Variants in EXOC6 observed in about 807,000 individuals in gnomAD.
The protein encoded by EXOC6 is exocyst complex component 6.
EXOC6 carries 60 observed loss-of-function variants against 112.5 expected under a neutral mutation model. The observed-to-expected ratio is 0.53, with a 90% CI of 0.43 to 0.66. The LOEUF (loss-of-function observed/expected upper bound fraction) is 0.66. Among genes scored for constraint, EXOC6 ranks in the 30% least tolerant of loss-of-function variants. The pLI, the probability that EXOC6 is intolerant of heterozygous loss-of-function variation, is 0.00. For missense variants in EXOC6, 855 were observed against 957.1 expected (o/e 0.89, Z 1.41); for synonymous variants, 295 against 308.0 (o/e 0.96, Z 0.44).
chr10:92,918,878 G>A (rs182650391), intron 7 of EXOC6, among the ~76,000 whole-genome samples: 23 of 152,306 alleles, frequency 1.5e-4, no homozygotes, highest in Admixed American at 4.6e-4. Flanking sequence ...ATATATATGC[G>A]TATGTAGTGA....
rs201162687 is a variant in EXOC6 at position 92,861,348 on chromosome 10, G to A, written c.101+12714G>A. Among the ~76,000 whole-genome samples, 4 of 152,240 alleles carry A rather than the reference G, an allele frequency of 2.6e-5. No individual in the cohort carries two copies. In the East Asian group the frequency reaches 7.7e-4, roughly 29 times the overall value. On this transcript the variant is annotated intron_variant, in intron 1 of 21. Coordinates refer to ENST00000260762, the MANE Select transcript of EXOC6 (RefSeq NM_019053.6). ...GGTGAGATGGCAGTCTCTGGTCTTG[G>A]CTTGCCTCTCTCAGTGTGGAGCCTC...
At chr10:92,883,054 A>G (rs1048742647) in intron 1 of EXOC6, among the ~76,000 whole-genome samples, 5 of 152,212 alleles carry the variant, frequency 3.3e-5, no homozygotes, top group African/African-American at 1.2e-4. Context: ...ACTATTTGCT[A>G]TATAACTGCC....
chr10:92,851,130 C>T (rs1397245092), intron 1 of EXOC6, among the ~76,000 whole-genome samples: 1 of 152,084 alleles, frequency 6.6e-6, no homozygotes, highest in Non-Finnish European at 1.5e-5. Flanking sequence ...TTTATGGCAC[C>T]AAACACCTCT....
intron 18 of EXOC6, among the ~76,000 whole-genome samples, chr10:92,978,971 G>A (rs984488974): frequency 2.0e-5 from 3 of 152,146 alleles, no homozygotes; most frequent in Non-Finnish European, 4.4e-5. Flanking sequence ...AAACCAAGGG[G>A]CACTCTTTCA....
chr10:93,043,369 T>C (rs1192966152), intron 20 of EXOC6, among the ~76,000 whole-genome samples: 1 of 152,256 alleles, frequency 6.6e-6, no homozygotes, highest in Admixed American at 6.5e-5. Flanking sequence ...ATTTTATGAA[T>C]TTACTTTCAA....
At chr10:93,015,669 T>C (rs1239065398) in intron 20 of EXOC6, among the ~76,000 whole-genome samples, 1 of 151,870 alleles carries the variant, frequency 6.6e-6, no homozygotes, top group East Asian at 1.9e-4. Flanking sequence ...GCAGGTGGAG[T>C]TTGCAGTGAG....
chr10:92,861,303 G>T (rs1205924278), intron 1 of EXOC6, among the ~76,000 whole-genome samples: 1 of 152,106 alleles, frequency 6.6e-6, no homozygotes, highest in African/African-American at 2.4e-5. Flanking sequence ...TGATATCCTT[G>T]CTTTAAGAGC....
rs182110867 is a variant in EXOC6, at chr10:92,895,331, A to C, written c.412+311A>C. 2.2e-3 allele frequency among the ~76,000 whole-genome samples: 333 copies of C among 152,148 alleles called. 1 individual carries two copies. Among genetic ancestry groups the C allele is most frequent in the African/African-American group, 7.3e-3 (303 of 41,512 alleles). The stretch of plus-strand genomic sequence containing the variant: ...TTGTTTTTCCTCGGAATACTTTCCC[A>C]TGGGGAGAGTCTTTTGGTTACATTT... On this transcript the variant is annotated intron_variant, in intron 4 of 21. Coordinates refer to ENST00000260762, the MANE Select transcript of EXOC6 (RefSeq NM_019053.6).
chr10:92,968,201 T>C (rs1429929612), intron 17 of EXOC6, among the ~76,000 whole-genome samples: 2 of 92,112 alleles, frequency 2.2e-5, no homozygotes, highest in African/African-American at 8.2e-5. Context: ...TTTTTTTTTT[T>C]AAAGGCAAGG....
At chr10:92,982,821 T>C (rs1370697748) in intron 18 of EXOC6, among the ~76,000 whole-genome samples, 1 of 152,234 alleles carries the variant, frequency 6.6e-6, no homozygotes, top group Non-Finnish European at 1.5e-5. Flanking sequence ...TGTAGTGTTT[T>C]ACTGATGTGC....
At chr10:92,929,437 C>A (rs1166588081) in intron 9 of EXOC6, among the ~76,000 whole-genome samples, 3 of 152,170 alleles carry the variant, frequency 2.0e-5, no homozygotes, top group African/African-American at 7.2e-5. Context: ...GATCTCTGCA[C>A]CTTCATTCCA....
chr10:93,046,773 T>C (rs528377702), intron 20 of EXOC6, among the ~76,000 whole-genome samples: 1 of 152,132 alleles, frequency 6.6e-6, no homozygotes, highest in Admixed American at 6.5e-5. Context: ...AATTTTGTAT[T>C]TTTAAGTAGA....
chr10:93,022,077 C>T (rs1844818480), intron 20 of EXOC6, among the ~76,000 whole-genome samples: 1 of 152,150 alleles, frequency 6.6e-6, no homozygotes, highest in South Asian at 2.1e-4. Flanking sequence ...CATTTGACAG[C>T]ATAGAAGGCC....
intron 18 of EXOC6, among the ~76,000 whole-genome samples, chr10:92,979,454 G>A (rs1842750853): frequency 6.6e-6 from 1 of 152,182 alleles, no homozygotes; most frequent in Admixed American, 6.5e-5. Context: ...CTGCTCACAG[G>A]ACATGAGAAC....
At chr10:92,873,097 A>G (rs750885604) in intron 1 of EXOC6, among the ~76,000 whole-genome samples, 4 of 152,216 alleles carry the variant, frequency 2.6e-5, no homozygotes, top group African/African-American at 9.6e-5. Flanking sequence ...GAGGACAAAT[A>G]CAATTAAATA....
chr10:92,959,403 A>G (rs1339258665), intron 17 of EXOC6, among the ~76,000 whole-genome samples: 9 of 152,204 alleles, frequency 5.9e-5, no homozygotes, highest in Admixed American at 5.2e-4. Context: ...AACCCCTAGA[A>G]GATAACATAG....
At chr10:92,950,292 CTTGAG>C (rs1564855760) in intron 14 of EXOC6, among the ~76,000 whole-genome samples, 1 of 151,866 alleles carries the variant, frequency 6.6e-6, no homozygotes, top group African/African-American at 2.4e-5. Context: ...TATCAAATAA[CTTGAG>C]TTATTTTCAA....
At chr10:92,962,145 C>G (rs1317856521) in intron 17 of EXOC6, among the ~76,000 whole-genome samples, 1 of 151,946 alleles carries the variant, frequency 6.6e-6, no homozygotes, top group East Asian at 1.9e-4. Flanking sequence ...GCAGGTGGCT[C>G]TATGAGAGAT....
intron 19 of EXOC6, among the ~76,000 whole-genome samples, chr10:93,002,450 A>G (rs921901612): frequency 6.6e-6 from 1 of 152,196 alleles, no homozygotes; most frequent in Non-Finnish European, 1.5e-5. Flanking sequence ...CAATAGCATC[A>G]TGTGGGAGCT....
Sources: gnomAD v4.1 joint callset for allele counts (sites outside exome capture counted in the v4.1 genomes callset) on GRCh38, gnomAD v4.1.1 for gene constraint, MANE v1.5 for transcripts, NCBI Gene and HGNC (gene_info 2026-07-23, HGNC 2026-07-21) for gene names.